The following CCBE1 variants were observed in gnomAD, a reference collection of about 807,000 sequenced individuals.
CCBE1 encodes the protein collagen and calcium binding EGF domains 1.
CCBE1 carries 37 observed loss-of-function variants against 50.0 expected under a neutral mutation model. The ratio of observed to expected loss-of-function variants is 0.74; its 90% CI spans 0.57 to 0.97. The LOEUF is 0.97. Among genes scored for constraint, CCBE1 ranks in the 50% least tolerant of loss-of-function variants. The pLI is 0.00. For synonymous variants in CCBE1, 234 were observed against 203.7 expected (o/e 1.15, Z -1.27); for missense variants, 538 against 523.8 (o/e 1.03, Z -0.26).
chr18:59,618,098 A>G (rs1366924), intron 2 of CCBE1, among the ~76,000 whole-genome samples: 15,891 of 152,204 alleles, frequency 0.1, 854 homozygotes, highest in East Asian at 0.14. Context: ...TATGTCCCCC[A>G]TAACGATGGA....
At chr18:59,506,496 C>T (rs1913879855) in intron 2 of CCBE1, among the ~76,000 whole-genome samples, 1 of 152,202 alleles carries the variant, frequency 6.6e-6, no homozygotes, top group Admixed American at 6.5e-5. Context: ...GTAACCAACC[C>T]CAGCAGAAGA....
chr18:59,545,881 T>C (rs1915662204), intron 2 of CCBE1, among the ~76,000 whole-genome samples: 1 of 152,242 alleles, frequency 6.6e-6, no homozygotes, highest in South Asian at 2.1e-4. Context: ...TCCCCAGCCA[T>C]GTGGAACTGT....
chr18:59,617,465 A>G (rs1404510718), intron 2 of CCBE1, among the ~76,000 whole-genome samples: 1 of 152,244 alleles, frequency 6.6e-6, no homozygotes, highest in Non-Finnish European at 1.5e-5. Flanking sequence ...GAAACAGGAA[A>G]TGTGAGAAAG....
At chr18:59,621,749 G>A (rs560666511) in intron 2 of CCBE1, among the ~76,000 whole-genome samples, 31 of 152,134 alleles carry the variant, frequency 2.0e-4, no homozygotes, top group Admixed American at 3.9e-4. Flanking sequence ...CAGAGCCCTC[G>A]ATGAAAGTAA....
intron 2 of CCBE1, among the ~76,000 whole-genome samples, chr18:59,654,514 C>G (rs747885020): frequency 1.3e-5 from 2 of 152,164 alleles, no homozygotes; most frequent in Non-Finnish European, 2.9e-5. Flanking sequence ...ATTCCAGCTA[C>G]TCGGGAGACT....
At chr18:59,453,497 A>G (rs2143668505) in intron 6 of CCBE1, among the ~76,000 whole-genome samples, 1 of 152,330 alleles carries the variant, frequency 6.6e-6, no homozygotes, top group Middle Eastern at 3.4e-3. Flanking sequence ...TCCATCAGAT[A>G]TATACATGTT....
rs199902030 is a variant in CCBE1, at chr18:59,436,123, C to T, written c.1006G>A (p.Asp336Asn). The T allele has an allele frequency of 2.0e-5, 32 of 1,614,120 alleles. No individual in the cohort carries two copies. Among genetic ancestry groups the T allele is most frequent in the Admixed American group, 5.0e-5 (3 of 60,016 alleles). ...RGSPGPPGSF[D>N]FLLLMLADIR... is the part of the protein sequence containing the mutation. ...TCAGCCAGCATAAGTAGCAGGAAGT[C>T]GAAAGAACCAGGGGGTCCCTGTGTA... The change falls in exon 11 of 11, where the codon GAC becomes AAC. Residue 336 changes from aspartate to asparagine, a missense_variant. Coordinates refer to ENST00000439986, the MANE Select transcript of CCBE1 (RefSeq NM_133459.4).
At chr18:59,572,253 T>C (rs1331516588) in intron 2 of CCBE1, among the ~76,000 whole-genome samples, 1 of 152,200 alleles carries the variant, frequency 6.6e-6, no homozygotes, top group Admixed American at 6.5e-5. Flanking sequence ...TTGAGTTTAA[T>C]CGAGCCAAGG....
chr18:59,658,573 A>T (rs1200943850), intron 2 of CCBE1, among the ~76,000 whole-genome samples: 1 of 145,936 alleles, frequency 6.9e-6, no homozygotes, highest in East Asian at 2.1e-4. Context: ...ACCTCTAAAA[A>T]TAATTTTTAA....
intron 2 of CCBE1, among the ~76,000 whole-genome samples, chr18:59,661,791 A>G (rs1219969126): frequency 6.6e-6 from 1 of 152,138 alleles, no homozygotes; most frequent in African/African-American, 2.4e-5. Context: ...AACATGGTGA[A>G]ACCCTGTCTC....
chr18:59,480,823 T>C (rs962719573), intron 2 of CCBE1, among the ~76,000 whole-genome samples: 1 of 152,098 alleles, frequency 6.6e-6, no homozygotes, highest in African/African-American at 2.4e-5. Context: ...ATTTAAAATA[T>C]AGCAAACAGG....
chr18:59,561,534 G>A (rs1230247764), intron 2 of CCBE1, among the ~76,000 whole-genome samples: 1 of 152,198 alleles, frequency 6.6e-6, no homozygotes, highest in African/African-American at 2.4e-5. Flanking sequence ...GCCATAACAT[G>A]GGAAGGCCAT....
At chr18:59,675,501 C>T (rs983214093) in intron 2 of CCBE1, among the ~76,000 whole-genome samples, 1 of 152,200 alleles carries the variant, frequency 6.6e-6, no homozygotes, top group Non-Finnish European at 1.5e-5. Flanking sequence ...AGCAGCTTCC[C>T]TCTAAGTGGA....
intron 2 of CCBE1, among the ~76,000 whole-genome samples, chr18:59,542,757 C>G (rs1336328796): frequency 6.6e-6 from 1 of 151,928 alleles, no homozygotes; most frequent in Non-Finnish European, 1.5e-5. Flanking sequence ...CCCACACATC[C>G]TTTCCTCCCC....
chr18:59,516,784 C>A (rs1010343649), intron 2 of CCBE1, among the ~76,000 whole-genome samples: 1 of 152,170 alleles, frequency 6.6e-6, no homozygotes, highest in Non-Finnish European at 1.5e-5. Context: ...ACCTGCACAG[C>A]GGCCAGAACA....
chr18:59,455,491 G>A (rs369631441), intron 5 of CCBE1, among the ~76,000 whole-genome samples: 6 of 152,184 alleles, frequency 3.9e-5, no homozygotes, highest in African/African-American at 1.4e-4. Context: ...TCCATCTGGG[G>A]CCATTCAGGA....
intron 5 of CCBE1, 119 bp downstream of exon 5, chr18:59,466,619 AT>A (rs1911756465): frequency 2.2e-6 from 1 of 449,730 alleles, no homozygotes; most frequent in African/African-American, 2.1e-5. Flanking sequence ...AATTACATAA[AT>A]ATATTTATAT....
At chr18:59,480,162 C>A in intron 3 of CCBE1, 24 bp downstream of exon 3, 1 of 1,452,650 alleles carries the variant, frequency 6.9e-7, no homozygotes. Context: ...TAAAGTCAGA[C>A]AATATCTTTT....
chr18:59,473,739 TTCC>T (rs1912157660), intron 3 of CCBE1, among the ~76,000 whole-genome samples: 1 of 38,910 alleles, frequency 2.6e-5, no homozygotes, highest in African/African-American at 9.8e-5. Context: ...CTCCCACTAT[TTCC>T]TCCCCCACTA....
Sources: gnomAD v4.1 joint callset for allele counts (sites outside exome capture counted in the v4.1 genomes callset) on GRCh38, gnomAD v4.1.1 for gene constraint, MANE v1.5 for transcripts, NCBI Gene and HGNC (gene_info 2026-07-23, HGNC 2026-07-21) for gene names.